IL18: variants seen among roughly 807,000 people sequenced by gnomAD.
IL18 encodes interleukin 18, also known as interleukin-18.
A neutral mutation model predicts 14.2 loss-of-function variants in IL18; 8 were observed. The observed-to-expected ratio is 0.56, with a 90% CI of 0.33 to 1.01. IL18 has a LOEUF of 1.01. IL18 is among the 50% of genes least tolerant of loss of function. IL18 has a pLI of 0.03. For missense variants in IL18, 166 were observed against 231.1 expected, an observed-to-expected ratio of 0.72 and a Z score of 1.83; for synonymous variants, 67 against 71.0, an observed-to-expected ratio of 0.94 and a Z score of 0.28.
intron 1 of IL18, among the ~76,000 whole-genome samples, chr11:112,163,057 A>G (rs1388814843): frequency 2.0e-5 from 3 of 152,212 alleles, no homozygotes; most frequent in Non-Finnish European, 2.9e-5. Context: ...CTGAAAGAAG[A>G]TTTAATAGAA....
intron 5 of IL18, among the ~76,000 whole-genome samples, chr11:112,144,499 G>A (rs572607650): frequency 7.2e-5 from 11 of 152,104 alleles, no homozygotes; most frequent in Non-Finnish European, 1.6e-4. Context: ...CTCCCACTTC[G>A]GCCTCCCAAA....
intron 1 of IL18, among the ~76,000 whole-genome samples, chr11:112,163,419 T>C (rs908444742): frequency 1.3e-4 from 20 of 152,232 alleles, no homozygotes; most frequent in African/African-American, 4.3e-4. Flanking sequence ...TAAGACGTAA[T>C]TTGTCTTTTT....
intron 4 of IL18, among the ~76,000 whole-genome samples, chr11:112,148,977 AT>A (rs1191740841): frequency 9.8e-5 from 1 of 10,178 alleles, no homozygotes; most frequent in Non-Finnish European, 4.3e-4. Flanking sequence ...TATAATCTAT[AT>A]CATTATACTC....
At chr11:112,161,924 T>C (rs541630075) in intron 1 of IL18, among the ~76,000 whole-genome samples, 2 of 151,548 alleles carry the variant, frequency 1.3e-5, no homozygotes, top group African/African-American at 4.8e-5. Flanking sequence ...AGGTATGGGA[T>C]GAAATGAGGG....
chr11:112,153,670 C>T (rs887915557), intron 2 of IL18, 67 bp from the exon 3 acceptor site: 2 of 1,176,466 alleles, frequency 1.7e-6, no homozygotes, highest in East Asian at 4.7e-5. Context: ...AATTCAATCT[C>T]ATTCTAGCTT....
chr11:112,149,376 T>C (rs1239648539), intron 4 of IL18, among the ~76,000 whole-genome samples: 1 of 152,062 alleles, frequency 6.6e-6, no homozygotes, highest in Non-Finnish European at 1.5e-5. Flanking sequence ...ATTTTAAAGA[T>C]ATGAATTCTA....
Position 112,158,521 on chromosome 11 carries a change from G to GTTTTTTTTTTTTTTT in IL18, c.-8-3461_-8-3460insAAAAAAAAAAAAAAA, listed in dbSNP as rs71060226. On this transcript the variant is annotated intron_variant, in intron 1 of 5. Coordinates refer to ENST00000280357, the MANE Select transcript of IL18 (RefSeq NM_001562.4). ...CTTGGTTTCAACATATTTATTTGGA[G>GTTTTTTTTTTTTTTT]TTTTTTTTTTTTTGCACAGCAGTAA... Among the ~76,000 whole-genome samples the GTTTTTTTTTTTTTTT allele has an allele frequency of 3.6e-4, 38 of 104,974 alleles. 1 individual carries two copies. Among genetic ancestry groups the GTTTTTTTTTTTTTTT allele is most frequent in the East Asian group, 1.3e-3 (5 of 3,894 alleles). The allele number at this position is 104,974 out of a possible 152,430, so 68.9% of individuals were successfully genotyped here. A position where few individuals can be genotyped will look rare whatever the true frequency, so the allele number is the denominator to read the frequency against.
At chr11:112,149,324 T>C (rs1367616399) in intron 4 of IL18, among the ~76,000 whole-genome samples, 2 of 151,942 alleles carry the variant, frequency 1.3e-5, no homozygotes, top group Non-Finnish European at 2.9e-5. Flanking sequence ...AACCCCACAG[T>C]TTAATGTGTA....
In IL18 at chr11:112,150,207, C is replaced by T; in HGVS notation, c.92-1G>A. 6.6e-7 allele frequency: 1 copy of T among 1,519,128 alleles called. No homozygotes were observed. The highest frequency in any genetic ancestry group is 9.1e-7 in the Non-Finnish European group (1 of 1,099,714). 94.1% of individuals were successfully genotyped at this position (1,519,128 alleles called of 1,614,324 possible). Reference sequence around the variant, plus strand: ...CCAAAGTAATCTGATTCCAGGTTTTCTACAATAAACATTAAATCTCATTTA... The same window carrying T: ...CCAAAGTAATCTGATTCCAGGTTTTTTACAATAAACATTAAATCTCATTTA... On this transcript the variant is annotated splice_acceptor_variant, in intron 3 of 5. Transcript: ENST00000280357. LOFTEE classifies it high-confidence loss of function.
intron 3 of IL18, 189 bp downstream of exon 3, chr11:112,153,403 A>G (rs1866480883): frequency 1.7e-5 from 7 of 421,694 alleles, no homozygotes; most frequent in Non-Finnish European, 3.0e-5. Flanking sequence ...ATCTTTTGCT[A>G]GAGGTTCTTC....
chr11:112,147,408 C>G (rs1405385610), intron 5 of IL18, among the ~76,000 whole-genome samples: 1 of 152,196 alleles, frequency 6.6e-6, no homozygotes, highest in Non-Finnish European at 1.5e-5. Flanking sequence ...TCTGAATCTG[C>G]CTCTGCAGCT....
At chr11:112,148,982 T>TAAA (rs10642361) in intron 4 of IL18, among the ~76,000 whole-genome samples, 146,616 of 152,002 alleles carry the variant, frequency 0.96, 70,770 homozygotes, top group East Asian at 1. Flanking sequence ...TCTATATCAT[T>TAAA]ATACTCATAA....
At chr11:112,162,832 T>TG (rs1226583504) in intron 1 of IL18, among the ~76,000 whole-genome samples, 8 of 152,214 alleles carry the variant, frequency 5.3e-5, no homozygotes, top group Non-Finnish European at 1.2e-4. Flanking sequence ...TTTGTTTTTT[T>TG]GAGAAAGTCT....
chr11:112,146,157 A>G (rs1254740492), intron 5 of IL18, among the ~76,000 whole-genome samples: 9 of 151,706 alleles, frequency 5.9e-5, no homozygotes, highest in Admixed American at 5.9e-4. Context: ...GCCTGGATAT[A>G]GATACATATA....
At chr11:112,146,953 C>T (rs1866354813) in intron 5 of IL18, among the ~76,000 whole-genome samples, 1 of 137,960 alleles carries the variant, frequency 7.2e-6, no homozygotes, top group Non-Finnish European at 1.5e-5. Context: ...TTTTTGAGAC[C>T]GAGTTTTGCT....
intron 2 of IL18, 109 bp downstream of exon 2, chr11:112,154,866 A>C (rs1319325472): frequency 7.6e-6 from 5 of 656,940 alleles, no homozygotes; most frequent in Non-Finnish European, 1.3e-5. Flanking sequence ...TTAATATTAC[A>C]GTGAAATTTG....
At chr11:112,157,997 C>T (rs1866562821) in intron 1 of IL18, among the ~76,000 whole-genome samples, 1 of 152,204 alleles carries the variant, frequency 6.6e-6, no homozygotes, top group Admixed American at 6.5e-5. Context: ...GCTGGGATTA[C>T]AGTCATGCAC....
chr11:112,163,564 G>T (rs1053061772), intron 1 of IL18, among the ~76,000 whole-genome samples: 8 of 151,188 alleles, frequency 5.3e-5, no homozygotes, highest in African/African-American at 1.9e-4. Context: ...TAAAACACTT[G>T]TAAAAATAAA....
At chr11:112,156,582 C>T (rs1030267910) in intron 1 of IL18, among the ~76,000 whole-genome samples, 4 of 152,000 alleles carry the variant, frequency 2.6e-5, no homozygotes, top group Admixed American at 2.6e-4. Context: ...CATCTGGGAC[C>T]ACAGATGCGT....
Sources: gnomAD v4.1 joint callset for allele counts (sites outside exome capture counted in the v4.1 genomes callset) on GRCh38, gnomAD v4.1.1 for gene constraint, MANE v1.5 for transcripts, NCBI Gene and HGNC (gene_info 2026-07-23, HGNC 2026-07-21) for gene names.